Variants in ATP11B observed in about 807,000 individuals in gnomAD.
The protein encoded by ATP11B is phospholipid-transporting ATPase IF.
ATP11B carries 81 observed loss-of-function variants against 157.8 expected under a neutral mutation model. The observed-to-expected ratio is 0.51, with a 90% confidence interval of 0.43 to 0.62. ATP11B has a LOEUF of 0.62. ATP11B is among the 20% of genes least tolerant of loss of function. The pLI is 0.00. For missense variants in ATP11B, 1,165 were observed against 1,402.2 expected (o/e 0.83, Z 2.70); for synonymous variants, 451 against 469.4 (o/e 0.96, Z 0.51).
chr3:182,816,622 CAT>C (rs1484470178), intron 1 of ATP11B, among the ~76,000 whole-genome samples: 3 of 152,156 alleles, frequency 2.0e-5, no homozygotes, highest in African/African-American at 7.2e-5. Flanking sequence ...GTTACTGAAA[CAT>C]AAAGATTCTC....
At position 182,829,744 on chromosome 3, in the gene ATP11B, A is replaced by C; in HGVS notation, c.307A>C (p.Ile103Leu). The change falls in exon 4 of 30, where the codon ATA (isoleucine) becomes CTA (leucine). Residue 103 changes from isoleucine to leucine, a missense_variant. Ile to Leu is a conservative substitution (Grantham distance 5). This residue lies in a region of ATP11B where 34 missense variants were observed against 79.6 expected (regional missense o/e 0.43). Coordinates refer to ENST00000323116, the MANE Select transcript of ATP11B (RefSeq NM_014616.3). ...ATTCTTTGTGATAACAGTAACTGCC[A>C]TAAAGCAGGTATGAAATACTTTCTT... ...PLFFVITVTAIKQGYEDWLRH... is the reference protein window; with the variant it reads ...PLFFVITVTALKQGYEDWLRH... 6 of 1,603,414 alleles carry C rather than the reference A, an allele frequency of 3.7e-6. No individual in the cohort carries two copies. Among genetic ancestry groups the C allele is most frequent in the Non-Finnish European group, 5.1e-6 (6 of 1,173,796 alleles).
At chr3:182,878,720 C>T (rs780731740) in intron 19 of ATP11B, among the ~76,000 whole-genome samples, 1 of 152,190 alleles carries the variant, frequency 6.6e-6, no homozygotes, top group Non-Finnish European at 1.5e-5. Context: ...AATCCATCAT[C>T]GGTTTCCTAT....
chr3:182,799,788 T>C (rs1053588969), intron 1 of ATP11B, among the ~76,000 whole-genome samples: 2 of 152,196 alleles, frequency 1.3e-5, no homozygotes, highest in Non-Finnish European at 2.9e-5. Context: ...CTTTTTTTCC[T>C]GGAGTTTCTC....
intron 1 of ATP11B, among the ~76,000 whole-genome samples, chr3:182,805,840 A>G (rs1716296187): frequency 6.6e-6 from 1 of 152,144 alleles, no homozygotes. Flanking sequence ...TTCTAGATAT[A>G]AGACCTTTAT....
At chr3:182,900,912 T>TG (rs1723912833) in intron 28 of ATP11B, among the ~76,000 whole-genome samples, 1 of 151,984 alleles carries the variant, frequency 6.6e-6, no homozygotes, top group African/African-American at 2.4e-5. Flanking sequence ...CCAGGCATGG[T>TG]GGCTCACGCT....
Position 182,859,153 on chromosome 3 carries a change from T to G in ATP11B, c.1003-9T>G. On this transcript the variant is annotated splice_polypyrimidine_tract_variant and intron_variant, in intron 11 of 29. Transcript: ENST00000323116. ...TTTTCTTTTCAAACAATTATTTCCTTTTTTCTAGATTCTGAGATTTATTTC... is the reference window on the plus strand; with the variant it reads ...TTTTCTTTTCAAACAATTATTTCCTGTTTTCTAGATTCTGAGATTTATTTC... 6.3e-7 allele frequency: 1 copy of G among 1,582,204 alleles called. No individual in the cohort carries two copies. The highest frequency in any genetic ancestry group is 8.6e-7 in the Non-Finnish European group (1 of 1,161,986).
At chr3:182,822,093 G>T (rs1329594724) in intron 2 of ATP11B, among the ~76,000 whole-genome samples, 1 of 151,440 alleles carries the variant, frequency 6.6e-6, no homozygotes, top group Non-Finnish European at 1.5e-5. Flanking sequence ...ATGAGCTTTA[G>T]ATTAGTGACA....
At chr3:182,799,095 A>G (rs913065920) in intron 1 of ATP11B, among the ~76,000 whole-genome samples, 1 of 152,098 alleles carries the variant, frequency 6.6e-6, no homozygotes, top group African/African-American at 2.4e-5. Flanking sequence ...TGAGTTTTCT[A>G]TTTTCAGAGT....
chr3:182,833,502 T>A (rs1314490834), intron 4 of ATP11B, among the ~76,000 whole-genome samples: 4 of 151,840 alleles, frequency 2.6e-5, no homozygotes, highest in Non-Finnish European at 4.4e-5. Flanking sequence ...ATTTTTGTTA[T>A]TTTTTTTGTA....
Position 182,797,459 on chromosome 3 carries a change from G to A in ATP11B, c.27+3673G>A, listed in dbSNP as rs181516780. Among the ~76,000 whole-genome samples the A allele has an allele frequency of 8.5e-4, 129 of 152,304 alleles. 1 individual carries two copies. Among genetic ancestry groups the A allele is most frequent in the African/African-American group, 3.0e-3 (123 of 41,568 alleles). On this transcript the variant is annotated intron_variant, in intron 1 of 29. Coordinates refer to ENST00000323116, the MANE Select transcript of ATP11B (RefSeq NM_014616.3). ...AAGGTGGCTCATTCCTGTAATCCCA[G>A]TACTTTGGGAGGCCGAGACAGGCAG...
chr3:182,887,159 C>T (rs1722851958), intron 23 of ATP11B, among the ~76,000 whole-genome samples: 1 of 152,094 alleles, frequency 6.6e-6, no homozygotes, highest in African/African-American at 2.4e-5. Context: ...AGAAGATAGT[C>T]TTGTTCAGTG....
chr3:182,856,720 C>T (rs1234487561), intron 10 of ATP11B, among the ~76,000 whole-genome samples: 3 of 152,118 alleles, frequency 2.0e-5, no homozygotes, highest in African/African-American at 7.2e-5. Context: ...ACTGTCACAG[C>T]AGAATATATA....
chr3:182,833,530 T>C (rs1718310840), intron 4 of ATP11B: 1 of 152,114 alleles, frequency 6.6e-6, no homozygotes, highest in Non-Finnish European at 1.5e-5. Context: ...GGTTTCGCCA[T>C]GTTGCCGGGT....
intron 12 of ATP11B, among the ~76,000 whole-genome samples, chr3:182,864,691 GCTT>G (rs1721096072): frequency 6.6e-6 from 1 of 151,920 alleles, no homozygotes. Flanking sequence ...TTGATCTGTA[GCTT>G]CTTTTCTTGT....
intron 28 of ATP11B, among the ~76,000 whole-genome samples, chr3:182,910,751 A>G (rs1349997479): frequency 6.6e-6 from 1 of 152,206 alleles, no homozygotes; most frequent in Non-Finnish European, 1.5e-5. Flanking sequence ...TGAGCAAAGC[A>G]CATGTTGTTA....
At chr3:182,801,034 T>G (rs1576943392) in intron 1 of ATP11B, among the ~76,000 whole-genome samples, 1 of 152,296 alleles carries the variant, frequency 6.6e-6, no homozygotes, top group East Asian at 1.9e-4. Context: ...ACCCTGGACC[T>G]CAGATGATCA....
chr3:182,884,975 A>G, intron 22 of ATP11B, 77 bp downstream of exon 22: 1 of 828,838 alleles, frequency 1.2e-6, no homozygotes, highest in East Asian at 3.0e-5. Context: ...ATAACCTTAT[A>G]CATTTCTCTT....
chr3:182,817,669 C>G (rs1324001030), intron 1 of ATP11B, among the ~76,000 whole-genome samples: 2 of 152,172 alleles, frequency 1.3e-5, no homozygotes, highest in African/African-American at 4.8e-5. Flanking sequence ...TTCTTATCAT[C>G]CAGTAGAGAT....
At chr3:182,834,118 C>A (rs1450221681) in intron 4 of ATP11B, among the ~76,000 whole-genome samples, 2 of 152,150 alleles carry the variant, frequency 1.3e-5, no homozygotes, top group Non-Finnish European at 2.9e-5. Flanking sequence ...TATCGTTGCT[C>A]TGCTATTAAT....
Sources: gnomAD v4.1 joint callset for allele counts (sites outside exome capture counted in the v4.1 genomes callset) on GRCh38, gnomAD v4.1.1 for gene constraint, gnomAD v4.1.1 regional missense constraint, MANE v1.5 for transcripts, NCBI Gene and HGNC (gene_info 2026-07-23, HGNC 2026-07-21) for gene names.